PTX3: variants seen among roughly 807,000 people sequenced by gnomAD.
The protein encoded by PTX3 is pentraxin-related protein PTX3.
PTX3 carries 24 observed loss-of-function variants against 23.5 expected under a neutral mutation model. The ratio of observed to expected loss-of-function variants is 1.02; its 90% CI spans 0.74 to 1.43. The LOEUF is 1.43. PTX3 is among the 40% of genes most tolerant of loss of function. PTX3 has a pLI of 0.00. For synonymous variants in PTX3, 218 were observed against 205.4 expected, an observed-to-expected ratio of 1.06 and a Z score of -0.53; for missense variants, 510 against 497.5, an observed-to-expected ratio of 1.02 and a Z score of -0.24.
At chr3:157,438,053 A>ACC in intron 2 of PTX3, 139 bp downstream of exon 2, 1 of 730,192 alleles carries the variant, frequency 1.4e-6, no homozygotes, top group Non-Finnish European at 2.2e-6. Flanking sequence ...ACACACACAC[A>ACC]CACACACACA....
chr3:157,438,014 A>T, intron 2 of PTX3, 100 bp downstream of exon 2: 13 of 1,242,794 alleles, frequency 1.0e-5, no homozygotes, highest in South Asian at 1.4e-5. Context: ...GGAAGCTTTC[A>T]TGGGAAGCGC....
At position 157,442,367 on chromosome 3, in the gene PTX3, T is replaced by C. The variant is rs766464294; in HGVS notation, c.534T>C (p.Gly178=). ...CTTCTTATTTTCTTGCTACTCTAGG[T>C]TGTGAAACAGCTATTTTATTCCCAA... ...GWAARSWLPA[G]CETAILFPMR... is the part of the protein sequence containing the mutation. The change falls in exon 3 of 3, where the codon GGT becomes GGC. Residue 178 remains glycine (G), a splice_region_variant and synonymous_variant. Coordinates refer to ENST00000295927, the MANE Select transcript of PTX3 (RefSeq NM_002852.4). 6.2e-7 allele frequency: 1 copy of C among 1,603,540 alleles called. No individual in the cohort carries two copies. Among genetic ancestry groups the C allele is most frequent in the South Asian group, 1.1e-5 (1 of 90,912 alleles).
At chr3:157,437,464 C>G in intron 1 of PTX3, 49 bp from the exon 2 acceptor site, 3 of 1,565,568 alleles carry the variant, frequency 1.9e-6, no homozygotes, top group South Asian at 2.3e-5. Flanking sequence ...AAAGCACATC[C>G]AAGGCAGGCC....
chr3:157,439,553 G>T (rs1733948041), intron 2 of PTX3, among the ~76,000 whole-genome samples: 1 of 152,020 alleles, frequency 6.6e-6, no homozygotes, highest in African/African-American at 2.4e-5. Context: ...GGTATCCCTG[G>T]TCCCCAAAAG....
At chr3:157,440,363 A>G (rs906677735) in intron 2 of PTX3, among the ~76,000 whole-genome samples, 3 of 152,120 alleles carry the variant, frequency 2.0e-5, no homozygotes, top group Non-Finnish European at 4.4e-5. Context: ...TATTTGTTTA[A>G]TGTTTTCAGG....
chr3:157,437,019 A>G lies in PTX3; in HGVS notation c.86A>G (p.Asn29Ser). The G allele has an allele frequency of 6.2e-7, 1 of 1,614,030 alleles. No homozygotes were observed. The highest frequency in any genetic ancestry group is 8.5e-7 in the Non-Finnish European group (1 of 1,179,940). Residue 29 changes from asparagine to serine, a missense_variant, in exon 1 of 3, where the codon AAT becomes AGT. Transcript: ENST00000295927. ...GATGATTATGATCTCATGTATGTGA[A>G]TTTGGACAACGAAATAGACAATGGA... ...NSDDYDLMYV[N>S]LDNEIDNGLH...
chr3:157,438,860 A>G (rs1033681549), intron 2 of PTX3, among the ~76,000 whole-genome samples: 3 of 152,270 alleles, frequency 2.0e-5, no homozygotes, highest in Non-Finnish European at 2.9e-5. Flanking sequence ...TTTGGATTGT[A>G]TTAGAAAATC....
intron 2 of PTX3, 123 bp downstream of exon 2, chr3:157,438,037 GCACACACACA>G (rs781700719): frequency 1.4e-4 from 71 of 516,102 alleles, no homozygotes; most frequent in Middle Eastern, 5.1e-4. Flanking sequence ...GCGCGCGCGC[GCACACACACA>G]CACACACACA....
In PTX3 at chr3:157,442,448, G is replaced by A. The variant is rs1393977126; in HGVS notation, c.615G>A (p.Glu205=). 6.2e-7 allele frequency: 1 copy of A among 1,614,078 alleles called. No homozygotes were observed. Among genetic ancestry groups the A allele is most frequent in the Non-Finnish European group, 8.5e-7 (1 of 1,180,052 alleles). Residue 205 remains glutamate, a synonymous_variant, in exon 3 of 3, where the codon GAG becomes GAA. Coordinates refer to ENST00000295927, the MANE Select transcript of PTX3 (RefSeq NM_002852.4). ...SVHPVRPMRL[E]SFSACIWVKA... Reference sequence around the variant, plus strand: ...ATCCAGTGAGACCAATGAGGCTTGAGTCTTTTAGTGCCTGCATTTGGGTCA... The same window carrying A: ...ATCCAGTGAGACCAATGAGGCTTGAATCTTTTAGTGCCTGCATTTGGGTCA...
At chr3:157,440,020 G>A (rs899370089) in intron 2 of PTX3, among the ~76,000 whole-genome samples, 2 of 152,190 alleles carry the variant, frequency 1.3e-5, no homozygotes, top group African/African-American at 4.8e-5. Context: ...AAAGTGCTGG[G>A]ATTACAGGTG....
At position 157,442,473 on chromosome 3, in the gene PTX3, A is replaced by G; in HGVS notation, c.640A>G (p.Lys214Glu). 1 of 1,614,216 alleles carries G rather than the reference A, an allele frequency of 6.2e-7. No homozygotes were observed. The highest frequency in any genetic ancestry group is 8.5e-7 in the Non-Finnish European group (1 of 1,180,032). ...GTCTTTTAGTGCCTGCATTTGGGTC[A>G]AAGCCACAGATGTATTAAACAAAAC... Reference protein sequence around the residue: ...LESFSACIWVKATDVLNKTIL... With the variant: ...LESFSACIWVEATDVLNKTIL... Residue 214 changes from lysine to glutamate, a missense_variant, in exon 3 of 3, where the codon AAA (lysine) becomes GAA (glutamate). Physicochemically the swap from Lys to Glu is moderately conservative, Grantham distance 56. Coordinates refer to ENST00000295927, the MANE Select transcript of PTX3 (RefSeq NM_002852.4).
In PTX3 at chr3:157,437,667, C is replaced by T. The variant is rs987914694; in HGVS notation, c.285C>T (p.Leu95=). The part of the protein sequence containing the change: ...LQRLREELGR[L]AESLARPCAP... ...GGCTGCGGGAGGAGCTGGGCCGGCT[C>T]GCGGAAAGCCTGGCGAGGCCGTGCG... The change falls in exon 2 of 3, where the codon CTC becomes CTT. Residue 95 remains leucine, a synonymous_variant. Coordinates refer to ENST00000295927, the MANE Select transcript of PTX3 (RefSeq NM_002852.4). 1 of 1,539,640 alleles carries T rather than the reference C, an allele frequency of 6.5e-7. No individual in the cohort carries two copies.
intron 2 of PTX3, among the ~76,000 whole-genome samples, chr3:157,440,339 A>G (rs555826293): frequency 1.3e-5 from 2 of 152,270 alleles, no homozygotes; most frequent in East Asian, 3.9e-4. Context: ...CCTAACACTA[A>G]AGGATAAGGT....
chr3:157,437,181 G>T, intron 1 of PTX3, 118 bp downstream of exon 1: 1 of 1,350,280 alleles, frequency 7.4e-7, no homozygotes, highest in East Asian at 2.3e-5. Context: ...AGCTTGTTAT[G>T]CAAAAGTGAG....
In PTX3 at chr3:157,437,634, G is replaced by C; in HGVS notation, c.252G>C (p.Glu84Asp). 6.4e-7 allele frequency: 1 copy of C among 1,551,674 alleles called. No individual in the cohort carries two copies. Among genetic ancestry groups the C allele is most frequent in the Non-Finnish European group, 8.7e-7 (1 of 1,150,660 alleles). The change falls in exon 2 of 3, where the codon GAG (glutamate) becomes GAC (aspartate). Residue 84 changes from glutamate to aspartate, a missense_variant. By Grantham distance (45) the Glu-to-Asp change is conservative. Transcript: ENST00000295927. ...CCACGGACGACGTCCTGCGGGGCGA[G>C]CTGCAGAGGCTGCGGGAGGAGCTGG... is the stretch of plus-strand genomic sequence containing the variant. ...LQATDDVLRG[E>D]LQRLREELGR...
chr3:157,442,335 T>A (rs769273541), intron 2 of PTX3, 31 bp from the exon 3 acceptor site: 10 of 1,501,388 alleles, frequency 6.7e-6, no homozygotes, highest in African/African-American at 1.4e-5. Context: ...ATATTTTCTT[T>A]AATATTCTTC....
intron 1 of PTX3, 86 bp downstream of exon 1, chr3:157,437,149 G>T (rs1733662946): frequency 6.6e-7 from 1 of 1,514,712 alleles, no homozygotes; most frequent in African/African-American, 1.4e-5. Flanking sequence ...TTTGTGGCCA[G>T]TGAGACAAGT....
chr3:157,441,357 A>C (rs1044752871), intron 2 of PTX3, among the ~76,000 whole-genome samples: 2 of 152,242 alleles, frequency 1.3e-5, no homozygotes, highest in Non-Finnish European at 2.9e-5. Flanking sequence ...GGTTGGCATA[A>C]GGATTAAAAT....
chr3:157,443,039 T>TGGCTCACGCC lies in PTX3; in HGVS notation c.*60_*61insGGCTCACGCC. 2.6e-6 allele frequency: 4 copies of TGGCTCACGCC among 1,532,236 alleles called. No homozygotes were observed. The South Asian group carries it at 4.0e-5, about 15-fold the overall frequency. 94.9% of individuals were successfully genotyped at this position (1,532,236 alleles called of 1,614,324 possible). A position where few individuals can be genotyped will look rare whatever the true frequency, so the allele number is the denominator to read the frequency against. ...AACTCACACTTAAAACACATGCCAG[T>TGGCTCACGCC]TGGGAAGGTCTGAAAACTCAGTGCA... On this transcript the variant is annotated 3_prime_UTR_variant, in exon 3 of 3. Coordinates refer to ENST00000295927, the MANE Select transcript of PTX3 (RefSeq NM_002852.4).
Sources: gnomAD v4.1 joint callset for allele counts (sites outside exome capture counted in the v4.1 genomes callset) on GRCh38, gnomAD v4.1.1 for gene constraint, MANE v1.5 for transcripts, NCBI Gene and HGNC (gene_info 2026-07-23, HGNC 2026-07-21) for gene names.